Variants in HHAT observed in about 807,000 individuals in gnomAD.
The protein encoded by HHAT is protein-cysteine N-palmitoyltransferase HHAT.
In HHAT, 47 loss-of-function variants were observed where a neutral mutation model predicts 70.8. That is an observed-to-expected ratio of 0.66 (90% confidence interval 0.53 to 0.85). The LOEUF (loss-of-function observed/expected upper bound fraction) is 0.85. Among genes scored for constraint, HHAT ranks in the 40% least tolerant of loss-of-function variants. HHAT has a pLI of 0.00. For synonymous variants in HHAT, 228 were observed against 247.6 expected (o/e 0.92, Z 0.74); for missense variants, 609 against 604.8 (o/e 1.01, Z -0.07).
In HHAT at chr1:210,529,042, C is replaced by T. The variant is rs374021973; in HGVS notation, c.1043+15854C>T. ...GGCTAAGGCTGGGCGTGGTGGCTCA[C>T]GCTGGTAATCCCAGCACTTCGGGAG... On this transcript the variant is annotated intron_variant, in intron 9 of 11. Coordinates refer to ENST00000261458, the MANE Select transcript of HHAT (RefSeq NM_018194.6). 3.3e-5 allele frequency among the ~76,000 whole-genome samples: 5 copies of T among 152,242 alleles called. No homozygotes were observed. The East Asian group carries it at 5.8e-4, about 18-fold the overall frequency.
intron 7 of HHAT, among the ~76,000 whole-genome samples, chr1:210,445,019 TA>T (rs1379539466): frequency 6.6e-6 from 1 of 152,078 alleles, no homozygotes; most frequent in Admixed American, 6.5e-5. Flanking sequence ...TTTGTATTTT[TA>T]GTAGAGACGG....
intron 8 of HHAT, among the ~76,000 whole-genome samples, chr1:210,511,943 GTCT>G (rs2094961633): frequency 6.6e-6 from 1 of 151,992 alleles, no homozygotes. Flanking sequence ...TGGCCACCTG[GTCT>G]TCTTACTCAC....
intron 9 of HHAT, among the ~76,000 whole-genome samples, chr1:210,559,450 C>G (rs983151299): frequency 1.3e-5 from 2 of 152,180 alleles, no homozygotes; most frequent in African/African-American, 4.8e-5. Context: ...AGTAGCAAAT[C>G]TAGTTTTAAA....
chr1:210,410,420 A>G (rs1428535436), intron 6 of HHAT, among the ~76,000 whole-genome samples: 4 of 146,472 alleles, frequency 2.7e-5, no homozygotes, highest in African/African-American at 1.0e-4. Context: ...TAATGATATG[A>G]CCCTAAAGAA....
chr1:210,398,802 T>C (rs149939603), intron 4 of HHAT, among the ~76,000 whole-genome samples: 24 of 152,314 alleles, frequency 1.6e-4, no homozygotes, highest in African/African-American at 5.8e-4. Context: ...GTATTCCTTA[T>C]AATTGGACTC....
intron 8 of HHAT, among the ~76,000 whole-genome samples, chr1:210,505,302 C>A (rs956807101): frequency 6.6e-6 from 1 of 152,064 alleles, no homozygotes; most frequent in African/African-American, 2.4e-5. Flanking sequence ...CATCAGGAAG[C>A]CTATTCTAAG....
chr1:210,583,487 TA>T (rs981585884), intron 9 of HHAT, among the ~76,000 whole-genome samples: 5 of 152,206 alleles, frequency 3.3e-5, no homozygotes, highest in African/African-American at 1.2e-4. Flanking sequence ...ATTGCTTTTC[TA>T]AAAAAAGAGA....
chr1:210,621,996 G>A (rs1425033705), intron 10 of HHAT, among the ~76,000 whole-genome samples: 1 of 152,194 alleles, frequency 6.6e-6, no homozygotes, highest in African/African-American at 2.4e-5. Context: ...AGACCCTGGG[G>A]CTGGCAGGAG....
chr1:210,537,048 A>G (rs1045705438), intron 9 of HHAT, among the ~76,000 whole-genome samples: 3 of 152,088 alleles, frequency 2.0e-5, no homozygotes, highest in Non-Finnish European at 2.9e-5. Flanking sequence ...AAAGGTGGCT[A>G]TAGGGCTTCA....
intron 1 of HHAT, among the ~76,000 whole-genome samples, chr1:210,341,194 T>C (rs1046189293): frequency 2.0e-5 from 3 of 152,188 alleles, no homozygotes; most frequent in African/African-American, 4.8e-5. Context: ...GATGCTGGTA[T>C]GGAGGGATTG....
intron 3 of HHAT, among the ~76,000 whole-genome samples, chr1:210,379,339 C>G (rs188077096): frequency 6.6e-6 from 1 of 152,318 alleles, no homozygotes; most frequent in African/African-American, 2.4e-5. Flanking sequence ...GACCTGCCAG[C>G]TACAGGGAAT....
intron 10 of HHAT, chr1:210,588,641 A>G (rs1440201095): frequency 6.6e-6 from 1 of 152,542 alleles, no homozygotes; most frequent in African/African-American, 2.4e-5. Flanking sequence ...ATTAAGATGA[A>G]TATCATAACC....
At chr1:210,417,120 C>T (rs939977244) in intron 6 of HHAT, among the ~76,000 whole-genome samples, 5 of 152,322 alleles carry the variant, frequency 3.3e-5, no homozygotes, top group Non-Finnish European at 7.3e-5. Context: ...GCACTACACA[C>T]ATTGCTGAAA....
intron 10 of HHAT, among the ~76,000 whole-genome samples, chr1:210,619,624 C>A (rs1167433436): frequency 1.3e-5 from 2 of 152,188 alleles, no homozygotes; most frequent in Non-Finnish European, 2.9e-5. Context: ...GGCAGGACGG[C>A]TCCGTCCTGC....
chr1:210,554,600 C>T (rs888835735), intron 9 of HHAT, among the ~76,000 whole-genome samples: 2 of 152,050 alleles, frequency 1.3e-5, no homozygotes, highest in African/African-American at 4.8e-5. Flanking sequence ...AATATACTAG[C>T]GAGGAGGCGG....
chr1:210,339,805 G>T (rs1020167695), intron 1 of HHAT, among the ~76,000 whole-genome samples: 3 of 152,202 alleles, frequency 2.0e-5, no homozygotes, highest in Non-Finnish European at 4.4e-5. Context: ...ATTGTTCTAA[G>T]GCATCACATG....
intron 3 of HHAT, among the ~76,000 whole-genome samples, chr1:210,373,065 G>A (rs1442548479): frequency 6.6e-6 from 1 of 152,168 alleles, no homozygotes; most frequent in African/African-American, 2.4e-5. Context: ...GTAGATTTCT[G>A]ATTAGAATCC....
chr1:210,618,277 T>A (rs1386921696), intron 10 of HHAT, among the ~76,000 whole-genome samples: 1 of 152,144 alleles, frequency 6.6e-6, no homozygotes, highest in Non-Finnish European at 1.5e-5. Context: ...GAGTTATAAT[T>A]GTGTCTCTTG....
At chr1:210,348,055 T>C (rs1012741583) in intron 1 of HHAT, among the ~76,000 whole-genome samples, 1 of 152,186 alleles carries the variant, frequency 6.6e-6, no homozygotes, top group Non-Finnish European at 1.5e-5. Flanking sequence ...CACAGATGTC[T>C]GTGATTATGT....
Sources: gnomAD v4.1 joint callset for allele counts (sites outside exome capture counted in the v4.1 genomes callset) on GRCh38, gnomAD v4.1.1 for gene constraint, MANE v1.5 for transcripts, NCBI Gene and HGNC (gene_info 2026-07-23, HGNC 2026-07-21) for gene names.